HTR1F: variants seen among roughly 807,000 people sequenced by gnomAD.
The protein encoded by HTR1F is 5-hydroxytryptamine (serotonin) receptor 1F, G protein-coupled.
A neutral mutation model predicts 24.0 loss-of-function variants in HTR1F; 17 were observed. The ratio of observed to expected loss-of-function variants is 0.71; its 90% CI spans 0.48 to 1.06. The LOEUF (loss-of-function observed/expected upper bound fraction) is 1.06, where lower values mean the gene tolerates loss of function less well. Among genes scored for constraint, HTR1F ranks in the 50% least tolerant of loss-of-function variants. The pLI is 0.00. For missense variants in HTR1F, 391 were observed against 427.8 expected (o/e 0.91, Z 0.76); for synonymous variants, 186 against 156.8 (o/e 1.19, Z -1.39).
intron 2 of HTR1F, among the ~76,000 whole-genome samples, chr3:87,881,467 C>T (rs1401524286): frequency 2.0e-5 from 3 of 152,164 alleles, no homozygotes; most frequent in East Asian, 1.9e-4. Flanking sequence ...CTCAGCAAGG[C>T]CTACTGCCTC....
intron 2 of HTR1F, among the ~76,000 whole-genome samples, chr3:87,973,165 C>G (rs1424354164): frequency 6.6e-6 from 1 of 152,030 alleles, no homozygotes; most frequent in Non-Finnish European, 1.5e-5. Flanking sequence ...GAGCAAAACT[C>G]TCTATCAAAA....
chr3:87,873,095 T>TACACACACACACACAC (rs61407734), intron 2 of HTR1F, among the ~76,000 whole-genome samples: 3 of 135,024 alleles, frequency 2.2e-5, no homozygotes, highest in Non-Finnish European at 4.9e-5. Context: ...CATGCATACA[T>TACACACACACACACAC]ACACACACAC....
intron 2 of HTR1F, among the ~76,000 whole-genome samples, chr3:87,932,452 G>T (rs1346119745): frequency 6.6e-6 from 1 of 152,148 alleles, no homozygotes; most frequent in Non-Finnish European, 1.5e-5. Context: ...CTGTAGCCTT[G>T]TAGTATAGTT....
chr3:87,861,682 T>A (rs1440205921), intron 2 of HTR1F, among the ~76,000 whole-genome samples: 1 of 152,134 alleles, frequency 6.6e-6, no homozygotes, highest in Middle Eastern at 3.2e-3. Context: ...AGAAAACACA[T>A]AAATAGCTCT....
intron 2 of HTR1F, among the ~76,000 whole-genome samples, chr3:87,876,340 A>T (rs537109763): frequency 6.6e-6 from 1 of 152,346 alleles, no homozygotes; most frequent in South Asian, 2.1e-4. Context: ...AATAGCTAGG[A>T]AGTGGAAGTA....
At chr3:87,849,094 T>C (rs984700210) in intron 2 of HTR1F, among the ~76,000 whole-genome samples, 2 of 151,334 alleles carry the variant, frequency 1.3e-5, no homozygotes, top group Non-Finnish European at 2.9e-5. Flanking sequence ...CTTCACAGAA[T>C]TGGAAAAAAC....
intron 2 of HTR1F, among the ~76,000 whole-genome samples, chr3:87,958,652 C>T (rs1253326368): frequency 1.3e-5 from 2 of 151,590 alleles, no homozygotes; most frequent in Non-Finnish European, 3.0e-5. Context: ...TCCAGTATCC[C>T]TTTACCCACA....
chr3:87,924,040 A>AT (rs1704070657), intron 2 of HTR1F, among the ~76,000 whole-genome samples: 1 of 152,120 alleles, frequency 6.6e-6, no homozygotes, highest in African/African-American at 2.4e-5. Context: ...CAACTGTTTG[A>AT]TTTTTTGAAA....
chr3:87,877,757 G>A (rs1279709370), intron 2 of HTR1F, among the ~76,000 whole-genome samples: 1 of 152,132 alleles, frequency 6.6e-6, no homozygotes, highest in Admixed American at 6.5e-5. Flanking sequence ...GTACATGGAG[G>A]ATGAGCTCAA....
chr3:87,865,752 C>CTCTT (rs1705413811), intron 2 of HTR1F, among the ~76,000 whole-genome samples: 1 of 152,038 alleles, frequency 6.6e-6, no homozygotes, highest in African/African-American at 2.4e-5. Flanking sequence ...ATCTGTTCTA[C>CTCTT]TCTTGGTGGA....
At chr3:87,859,369 C>T (rs1361312753) in intron 2 of HTR1F, among the ~76,000 whole-genome samples, 1 of 152,108 alleles carries the variant, frequency 6.6e-6, no homozygotes, top group Non-Finnish European at 1.5e-5. Flanking sequence ...ACAAGAAGAC[C>T]AGCTGGTTTA....
At chr3:87,931,508 T>A (rs1704271189) in intron 2 of HTR1F, among the ~76,000 whole-genome samples, 1 of 152,198 alleles carries the variant, frequency 6.6e-6, no homozygotes, top group Admixed American at 6.5e-5. Context: ...GCAATAAACA[T>A]ACGTGTGCAT....
intron 2 of HTR1F, among the ~76,000 whole-genome samples, chr3:87,979,446 G>A (rs1705494013): frequency 6.6e-6 from 1 of 152,166 alleles, no homozygotes; most frequent in Admixed American, 6.5e-5. Flanking sequence ...GGCCGACAGA[G>A]ACCCAGTATT....
intron 2 of HTR1F, among the ~76,000 whole-genome samples, chr3:87,963,622 T>G (rs552002954): frequency 6.6e-6 from 1 of 152,134 alleles, no homozygotes; most frequent in African/African-American, 2.4e-5. Flanking sequence ...CCTCAAATGT[T>G]TTCTACAATA....
intron 2 of HTR1F, among the ~76,000 whole-genome samples, chr3:87,836,739 A>G (rs1704690955): frequency 6.6e-6 from 1 of 152,134 alleles, no homozygotes; most frequent in Non-Finnish European, 1.5e-5. Flanking sequence ...TATATGTATC[A>G]ACTCTCTCCT....
chr3:87,843,677 C>CG (rs1042815800), intron 2 of HTR1F, among the ~76,000 whole-genome samples: 1 of 96,222 alleles, frequency 1.0e-5, no homozygotes, highest in Non-Finnish European at 1.8e-5. Flanking sequence ...TATCCCTCCC[C>CG]CTCCCCCACC....
intron 2 of HTR1F, among the ~76,000 whole-genome samples, chr3:87,853,338 G>A (rs1705129978): frequency 1.3e-5 from 2 of 152,004 alleles, no homozygotes; most frequent in Non-Finnish European, 2.9e-5. Flanking sequence ...TTCTGTTCCT[G>A]CGTTAGTTTG....
intron 2 of HTR1F, among the ~76,000 whole-genome samples, chr3:87,836,651 T>C (rs1326880265): frequency 6.6e-6 from 1 of 152,164 alleles, no homozygotes; most frequent in Non-Finnish European, 1.5e-5. Flanking sequence ...AATGTCCCAA[T>C]CTCAGAAAAG....
At chr3:87,984,039 C>T (rs1469624464) in intron 2 of HTR1F, among the ~76,000 whole-genome samples, 1 of 152,170 alleles carries the variant, frequency 6.6e-6, no homozygotes, top group Non-Finnish European at 1.5e-5. Context: ...ATGCAAGCCT[C>T]CTTTGTCTTC....
Sources: allele counts gnomAD v4.1 joint callset (sites outside exome capture counted in the v4.1 genomes callset), GRCh38; gene constraint gnomAD v4.1.1; transcripts MANE v1.5; gene names NCBI Gene and HGNC (gene_info 2026-07-23, HGNC 2026-07-21).